TMEM247: variants seen among roughly 807,000 people sequenced by gnomAD.
TMEM247 encodes the protein transmembrane protein ENSP00000343375.
Under a neutral mutation model 20.7 loss-of-function variants are expected in TMEM247, and 23 were observed. The ratio of observed to expected loss-of-function variants is 1.11; its 90% CI spans 0.80 to 1.57. TMEM247 has a LOEUF of 1.57. TMEM247 is among the 40% of genes most tolerant of loss of function. The pLI, the probability that TMEM247 is intolerant of heterozygous loss-of-function variation, is 0.00. For synonymous variants in TMEM247, 106 were observed against 111.9 expected, an observed-to-expected ratio of 0.95 and a Z score of 0.33; for missense variants, 354 against 283.8, an observed-to-expected ratio of 1.25 and a Z score of -1.78.
rs556923418 is a variant in TMEM247, at chr2:46,480,741, C to G, written c.454C>G (p.Gln152Glu). The change falls in exon 2 of 3, where the codon CAG becomes GAG. Residue 152 changes from glutamine to glutamate, a missense_variant. Transcript: ENST00000434431. Reference sequence around the variant, plus strand: ...GCACGAGGTGGTGATGGAGCAGCTGCAGCAAGAGGCGGCGCCCCGCCTGGT... The same window carrying G: ...GCACGAGGTGGTGATGGAGCAGCTGGAGCAAGAGGCGGCGCCCCGCCTGGT... 1.6e-4 allele frequency: 244 copies of G among 1,550,156 alleles called. 1 individual carries two copies. In the South Asian group the frequency reaches 2.6e-3, roughly 16 times the overall value.
At chr2:46,481,038 T>TGA (rs1311401305) in intron 2 of TMEM247, among the ~76,000 whole-genome samples, 1 of 152,126 alleles carries the variant, frequency 6.6e-6, no homozygotes, top group Non-Finnish European at 1.5e-5. Flanking sequence ...GAGATGTGAC[T>TGA]CTCTAAGGAG....
intron 2 of TMEM247, among the ~76,000 whole-genome samples, chr2:46,481,008 C>A (rs1479321088): frequency 6.6e-6 from 1 of 152,188 alleles, no homozygotes; most frequent in Non-Finnish European, 1.5e-5. Flanking sequence ...CTCTGTTAAA[C>A]AGAGCTTCCA....
At chr2:46,480,822 G>C (rs1686873324) in intron 2 of TMEM247, 58 bp downstream of exon 2, 1 of 1,491,308 alleles carries the variant, frequency 6.7e-7, no homozygotes, top group Non-Finnish European at 8.9e-7. Flanking sequence ...AAGTCCCATG[G>C]GGCCTGGAGC....
At chr2:46,480,873 C>G in intron 2 of TMEM247, 109 bp downstream of exon 2, 1 of 1,371,582 alleles carries the variant, frequency 7.3e-7, no homozygotes, top group Non-Finnish European at 9.6e-7. Flanking sequence ...CCCCACCCTG[C>G]AGATCCTGGA....
At chr2:46,481,072 G>A (rs1338558698) in intron 2 of TMEM247, among the ~76,000 whole-genome samples, 1 of 152,154 alleles carries the variant, frequency 6.6e-6, no homozygotes, top group African/African-American at 2.4e-5. Context: ...AGGGTCCCCA[G>A]AACCACATCG....
At chr2:46,480,602 G>T (rs550572145) in exon 2 of TMEM247, 1 of 1,546,810 alleles carries the variant, frequency 6.5e-7, no homozygotes, top group African/African-American at 1.4e-5. Flanking sequence ...CCGAGATGGA[G>T]CTGGAGAAGG....
chr2:46,480,636 C>T (rs1558643292), exon 2 of TMEM247: 12 of 1,551,756 alleles, frequency 7.7e-6, no homozygotes, highest in Non-Finnish European at 9.6e-6. Context: ...CGAGCTCACG[C>T]GGCTCAAGTA....
chr2:46,481,260 G>C (rs1386502136), intron 2 of TMEM247, among the ~76,000 whole-genome samples: 1 of 152,122 alleles, frequency 6.6e-6, no homozygotes, highest in Non-Finnish European at 1.5e-5. Flanking sequence ...CCCGATCAGG[G>C]CTATGTTTAT....
At chr2:46,481,678 C>G (rs1686892931) in intron 2 of TMEM247, among the ~76,000 whole-genome samples, 1 of 152,232 alleles carries the variant, frequency 6.6e-6, no homozygotes, top group African/African-American at 2.4e-5. Flanking sequence ...TAAACGTTAG[C>G]TACTACCATT....
chr2:46,483,503 T>A (rs900629381), intron 2 of TMEM247, among the ~76,000 whole-genome samples: 5 of 152,184 alleles, frequency 3.3e-5, no homozygotes, highest in Non-Finnish European at 7.3e-5. Context: ...ACCATGTCAT[T>A]GGGCCACTGT....
At chr2:46,480,337 C>A in intron 1 of TMEM247, 68 bp from the exon 2 acceptor site, 1 of 1,446,110 alleles carries the variant, frequency 6.9e-7, no homozygotes, top group South Asian at 1.4e-5. Flanking sequence ...GCGGGAGTTC[C>A]ATGGGGTCAG....
chr2:46,484,183 C>A, intron 2 of TMEM247, 61 bp from the exon 3 acceptor site: 1 of 1,457,582 alleles, frequency 6.9e-7, no homozygotes, highest in South Asian at 1.4e-5. Context: ...CAGGACTGAA[C>A]CTAGATCTGC....
rs761243026 is a variant in TMEM247, at chr2:46,480,725, G to A, written c.438G>A (p.Val146=). The A allele has an allele frequency of 4.9e-5, 76 of 1,551,520 alleles. No homozygotes were observed. In the East Asian group the frequency reaches 8.3e-4, roughly 17 times the overall value. ...TGCAGCGGGAGCGGCAGCACGAGGT[G>A]GTGATGGAGCAGCTGCAGCAAGAGG... The change falls in exon 2 of 3, where the codon GTG becomes GTA. Residue 146 remains valine (V), a synonymous_variant. Coordinates refer to ENST00000434431, the Ensembl canonical transcript of TMEM247.
At chr2:46,482,699 G>T (rs990105837) in intron 2 of TMEM247, among the ~76,000 whole-genome samples, 1 of 152,160 alleles carries the variant, frequency 6.6e-6, no homozygotes, top group African/African-American at 2.4e-5. Context: ...AAAGTCCAGG[G>T]GTCCAGAGCC....
At chr2:46,479,619 C>T (rs939465097) in exon 1 of TMEM247, 17 of 1,551,576 alleles carry the variant, frequency 1.1e-5, no homozygotes, top group Admixed American at 5.9e-5. Flanking sequence ...GATGGAAGCC[C>T]GGGGTGCGGG....
At chr2:46,483,630 C>A (rs1686932342) in intron 2 of TMEM247, among the ~76,000 whole-genome samples, 1 of 152,176 alleles carries the variant, frequency 6.6e-6, no homozygotes, top group South Asian at 2.1e-4. Context: ...CTCCAATGGG[C>A]CGTACAGACC....
exon 2 of TMEM247, chr2:46,480,622 A>G (rs1259490812): frequency 5.2e-6 from 8 of 1,550,972 alleles, no homozygotes; most frequent in Non-Finnish European, 7.0e-6. Flanking sequence ...GTGCGCATGG[A>G]GTTCGAGCTC....
rs1487163058 is a variant in TMEM247, at chr2:46,484,176, GACTGA to G, written c.478-65_478-61del. 31 of 1,401,916 alleles carry G rather than the reference GACTGA, an allele frequency of 2.2e-5. No homozygotes were observed. In the East Asian group the frequency reaches 2.7e-4, roughly 12 times the overall value. The allele number at this position is 1,401,916 out of a possible 1,614,324, so 86.8% of individuals were successfully genotyped here. On this transcript the variant is annotated intron_variant, in intron 2 of 2. Coordinates refer to ENST00000434431, the Ensembl canonical transcript of TMEM247. ...TCACATACAGGCAGGGTCAGAGCAG[GACTGA>G]ACCTAGATCTGCCTGGCGCCAACAA... is the stretch of plus-strand genomic sequence containing the variant.
At chr2:46,480,470 C>T (rs778385438) in exon 2 of TMEM247, 24 of 1,551,474 alleles carry the variant, frequency 1.5e-5, no homozygotes, top group South Asian at 1.3e-4. Flanking sequence ...CTTGTGAGGA[C>T]GGAGGCTGCC....
Sources: allele counts gnomAD v4.1 joint callset (sites outside exome capture counted in the v4.1 genomes callset), GRCh38; gene constraint gnomAD v4.1.1; transcripts MANE v1.5; gene names NCBI Gene and HGNC (gene_info 2026-07-23, HGNC 2026-07-21).